Variants in GANC observed in about 807,000 individuals in gnomAD.
GANC encodes the protein neutral alpha-glucosidase C.
A neutral mutation model predicts 124.2 loss-of-function variants in GANC; 117 were observed. That is an observed-to-expected ratio of 0.94 (90% CI 0.81 to 1.10). The LOEUF is 1.10. GANC is among the 50% of genes least tolerant of loss of function. GANC has a pLI of 0.00. For synonymous variants in GANC, 377 were observed against 376.8 expected, an observed-to-expected ratio of 1.00 and a Z score of -0.01; for missense variants, 1,140 against 1,095.0, an observed-to-expected ratio of 1.04 and a Z score of -0.58.
chr15:42,314,035 A>T, intron 10 of GANC: 6 of 700,708 alleles, frequency 8.6e-6, no homozygotes, highest in Non-Finnish European at 1.6e-5. Context: ...ATGAATTTGG[A>T]CAGAGTAGCT....
chr15:42,316,024 T>C (rs894462481), intron 10 of GANC, among the ~76,000 whole-genome samples: 1 of 152,004 alleles, frequency 6.6e-6, no homozygotes, highest in Non-Finnish European at 1.5e-5. Flanking sequence ...ATATATTCAA[T>C]ATAAATCCTA....
intron 3 of GANC, 99 bp from the exon 4 acceptor site, chr15:42,287,592 C>T: frequency 1.5e-6 from 2 of 1,316,982 alleles, no homozygotes; most frequent in Non-Finnish European, 1.0e-6. Flanking sequence ...CTTGGCCTAT[C>T]ATAATTGAAA....
intron 3 of GANC, 50 bp downstream of exon 3, chr15:42,278,640 G>A: frequency 7.7e-7 from 1 of 1,301,414 alleles, no homozygotes; most frequent in Non-Finnish European, 1.1e-6. Context: ...TGTATTTATT[G>A]GGCCTGAATG....
chr15:42,327,292 C>A, intron 12 of GANC, 71 bp from the exon 13 acceptor site: 1 of 1,153,708 alleles, frequency 8.7e-7, no homozygotes, highest in Non-Finnish European at 1.2e-6. Flanking sequence ...ACATCTGATA[C>A]CTTCTTTACA....
Position 42,306,614 on chromosome 15 carries a change from T to C in GANC, c.625+2T>C, listed in dbSNP as rs992551783. On this transcript the variant is annotated splice_donor_variant, in intron 7 of 23. Coordinates refer to ENST00000318010, the MANE Select transcript of GANC (RefSeq NM_198141.3). LOFTEE classifies it high-confidence loss of function. ...AATTTGTGGATATCAAAGCTAATGG[T>C]AAAATTGAAACTGGTATAGTATTAA... 1.9e-6 allele frequency: 3 copies of C among 1,596,082 alleles called. No individual in the cohort carries two copies. Among genetic ancestry groups the C allele is most frequent in the African/African-American group, 1.3e-5 (1 of 74,622 alleles).
In GANC at chr15:42,322,379, A is replaced by G. The variant is rs978694080; in HGVS notation, c.1293+359A>G. Reference sequence around the variant, plus strand: ...GAGTATATTAAAAAGTTTATTACTCATATAATGAGGCTTTCTGGGGAGAGC... The same window carrying G: ...GAGTATATTAAAAAGTTTATTACTCGTATAATGAGGCTTTCTGGGGAGAGC... On this transcript the variant is annotated intron_variant, in intron 11 of 23. Coordinates refer to ENST00000318010, the MANE Select transcript of GANC (RefSeq NM_198141.3). 3.9e-5 allele frequency among the ~76,000 whole-genome samples: 6 copies of G among 152,330 alleles called. No homozygotes were observed. In the East Asian group the frequency reaches 1.2e-3, roughly 29 times the overall value.
intron 6 of GANC, among the ~76,000 whole-genome samples, chr15:42,303,577 C>T (rs1409156650): frequency 6.7e-6 from 1 of 149,100 alleles, no homozygotes; most frequent in Non-Finnish European, 1.5e-5. Flanking sequence ...GATAAAGAGT[C>T]AAGACCCACC....
chr15:42,300,969 G>A (rs2051939643), intron 6 of GANC, among the ~76,000 whole-genome samples: 1 of 150,556 alleles, frequency 6.6e-6, no homozygotes. Flanking sequence ...AGTGAGCCAA[G>A]ATGATGCCAT....
At chr15:42,349,173 C>T (rs1312675921) in intron 21 of GANC, among the ~76,000 whole-genome samples, 7 of 152,210 alleles carry the variant, frequency 4.6e-5, no homozygotes. Context: ...AAGCCTAACT[C>T]TTTGTGCTCC....
intron 5 of GANC, among the ~76,000 whole-genome samples, chr15:42,296,345 G>A (rs2051891017): frequency 6.6e-6 from 1 of 152,004 alleles, no homozygotes; most frequent in South Asian, 2.1e-4. Context: ...ACTAAATTTT[G>A]TGTTAATCAC....
chr15:42,329,004 G>T (rs1245236503), intron 13 of GANC, among the ~76,000 whole-genome samples: 1 of 152,142 alleles, frequency 6.6e-6, no homozygotes, highest in Non-Finnish European at 1.5e-5. Context: ...CTGCAGGGAG[G>T]TCTTGGAATG....
At chr15:42,280,093 T>C (rs2051716878) in intron 3 of GANC, among the ~76,000 whole-genome samples, 1 of 152,230 alleles carries the variant, frequency 6.6e-6, no homozygotes, top group South Asian at 2.1e-4. Flanking sequence ...TTCTGTGTTC[T>C]TTATCCCCAT....
chr15:42,327,161 G>T (rs987313474), intron 12 of GANC, among the ~76,000 whole-genome samples: 8 of 152,124 alleles, frequency 5.3e-5, no homozygotes, highest in Non-Finnish European at 7.4e-5. Context: ...CTGGGCTTCT[G>T]GTATTGAAAG....
intron 11 of GANC, among the ~76,000 whole-genome samples, chr15:42,322,825 A>G (rs2052171762): frequency 6.6e-6 from 1 of 151,988 alleles, no homozygotes; most frequent in Admixed American, 6.6e-5. Flanking sequence ...TGGTGGTGGT[A>G]ATAGCAATAA....
chr15:42,308,345 G>A, intron 8 of GANC, 27 bp downstream of exon 8: 1 of 1,443,458 alleles, frequency 6.9e-7, no homozygotes, highest in Non-Finnish European at 9.7e-7. Context: ...ATTCTTATGG[G>A]AGTCTCTGGT....
chr15:42,344,726 G>T (rs1045966998), intron 19 of GANC: 6 of 152,200 alleles, frequency 3.9e-5, no homozygotes, highest in African/African-American at 1.4e-4. Flanking sequence ...CCCCTGCCAA[G>T]TAGAAACCTG....
chr15:42,323,773 G>T (rs1257601854), intron 11 of GANC, among the ~76,000 whole-genome samples: 2 of 152,138 alleles, frequency 1.3e-5, no homozygotes, highest in Non-Finnish European at 2.9e-5. Context: ...AAAGTGCTGG[G>T]GTTACAGGCG....
chr15:42,316,725 CAG>C (rs1252571520), intron 10 of GANC, among the ~76,000 whole-genome samples: 2 of 152,170 alleles, frequency 1.3e-5, no homozygotes, highest in Non-Finnish European at 2.9e-5. Context: ...GCTGGTGGAG[CAG>C]AGTGTTCCCT....
intron 4 of GANC, 24 bp from the exon 5 acceptor site, chr15:42,292,711 C>T (rs4923939): frequency 0.99 from 1,591,661 of 1,607,172 alleles, 788,621 homozygotes; most frequent in Non-Finnish European, 1. Context: ...CAGCTTGTTT[C>T]TCTCTTCCTG....
Sources: gnomAD v4.1 joint callset for allele counts (sites outside exome capture counted in the v4.1 genomes callset) on GRCh38, gnomAD v4.1.1 for gene constraint, MANE v1.5 for transcripts, NCBI Gene and HGNC (gene_info 2026-07-23, HGNC 2026-07-21) for gene names.